Variants in STARD9 observed in about 807,000 individuals in gnomAD.
STARD9 encodes the protein StAR related lipid transfer domain containing 9.
In STARD9, 346 loss-of-function variants were observed where a neutral mutation model predicts 399.8. The ratio of observed to expected loss-of-function variants is 0.87; its 90% CI spans 0.79 to 0.95. STARD9 has a LOEUF of 0.95. Among genes scored for constraint, STARD9 ranks in the 40% least tolerant of loss-of-function variants. The probability of loss-of-function intolerance (pLI) is 0.00; values close to 1 mark genes in which losing one functional copy is unlikely to be tolerated. For missense variants in STARD9, 5,832 were observed against 5,667.5 expected (o/e 1.03, Z -0.93); for synonymous variants, 2,203 against 2,143.5 (o/e 1.03, Z -0.77).
At chr15:42,697,057 A>G (rs2060861652) in intron 26 of STARD9, among the ~76,000 whole-genome samples, 1 of 152,198 alleles carries the variant, frequency 6.6e-6, no homozygotes, top group Admixed American at 6.5e-5. Context: ...AAGACATACA[A>G]TGTCAGGCAC....
chr15:42,585,743 A>G, intron 3 of STARD9, 106 bp downstream of exon 3: 1 of 661,796 alleles, frequency 1.5e-6, no homozygotes, highest in Non-Finnish European at 2.5e-6. Flanking sequence ...GCACAGTTGT[A>G]CAGATTGGAA....
intron 3 of STARD9, among the ~76,000 whole-genome samples, chr15:42,624,656 C>G (rs971118547): frequency 5.9e-5 from 9 of 151,840 alleles, no homozygotes; most frequent in Non-Finnish European, 8.8e-5. Context: ...TCAAGTGATT[C>G]TTCTGCCCAA....
At chr15:42,636,869 C>G (rs2059427863) in intron 4 of STARD9, among the ~76,000 whole-genome samples, 1 of 151,974 alleles carries the variant, frequency 6.6e-6, no homozygotes, top group South Asian at 2.1e-4. Flanking sequence ...AGTTCAAGAC[C>G]AGCCTGGCCA....
In STARD9 at chr15:42,718,871, G is replaced by C; in HGVS notation, c.13962G>C (p.Val4654=). 1 of 1,537,226 alleles carries C rather than the reference G, an allele frequency of 6.5e-7. No homozygotes were observed. The highest frequency in any genetic ancestry group is 2.0e-5 in the Admixed American group (1 of 50,996). The change falls in exon 32 of 33, where the codon GTG becomes GTC. Residue 4654 remains valine, a synonymous_variant. Transcript: ENST00000290607. The part of the protein sequence containing the change: ...PSAWILQPIT[V]EGKEVTRVIY... Reference sequence around the variant, plus strand: ...CCTGGATCTTGCAGCCCATCACTGTGGAAGGGAAGGAAGTCACCAGAGTCA... The same window carrying C: ...CCTGGATCTTGCAGCCCATCACTGTCGAAGGGAAGGAAGTCACCAGAGTCA...
Position 42,689,821 on chromosome 15 carries a change from C to G in STARD9, c.8243C>G (p.Ala2748Gly). ...KKVVAALPSQ[A>G]PYDDPRVTLH... is the part of the protein sequence containing the mutation. ...GTAGTGGCTGCCTTACCTTCTCAGGCCCCTTATGATGATCCTAGAGTGACT... is the reference window on the plus strand; with the variant it reads ...GTAGTGGCTGCCTTACCTTCTCAGGGCCCTTATGATGATCCTAGAGTGACT... Residue 2748 changes from alanine (A) to glycine (G), a missense_variant, in exon 23 of 33, where the codon GCC (alanine) becomes GGC (glycine). By Grantham distance (60) the Ala-to-Gly change is moderately conservative. Transcript: ENST00000290607. 1 of 1,537,274 alleles carries G rather than the reference C, an allele frequency of 6.5e-7. No homozygotes were observed. Among genetic ancestry groups the G allele is most frequent in the South Asian group, 1.2e-5 (1 of 84,062 alleles).
intron 7 of STARD9, among the ~76,000 whole-genome samples, chr15:42,643,884 T>C (rs1460001158): frequency 6.6e-6 from 1 of 152,242 alleles, no homozygotes; most frequent in Non-Finnish European, 1.5e-5. Context: ...TCCAATATGA[T>C]TTCTTTTGAC....
intron 26 of STARD9, among the ~76,000 whole-genome samples, chr15:42,701,235 T>C (rs570827786): frequency 9.7e-4 from 147 of 152,284 alleles, no homozygotes; most frequent in African/African-American, 3.5e-3. Flanking sequence ...CTGTTTGGGG[T>C]CTTTTGTGGG....
intron 4 of STARD9, 101 bp downstream of exon 4, chr15:42,635,073 A>G (rs2059394270): frequency 5.1e-6 from 3 of 583,742 alleles, no homozygotes; most frequent in Admixed American, 3.6e-5. Flanking sequence ...TAGGCAGTCA[A>G]CTTTAAAGAA....
chr15:42,696,466 G>A (rs1162377371), intron 26 of STARD9, among the ~76,000 whole-genome samples: 1 of 152,116 alleles, frequency 6.6e-6, no homozygotes, highest in East Asian at 1.9e-4. Context: ...GACATGAGAA[G>A]GGACTAGAAA....
chr15:42,592,256 C>G (rs2058412768), intron 3 of STARD9, among the ~76,000 whole-genome samples: 1 of 151,980 alleles, frequency 6.6e-6, no homozygotes, highest in South Asian at 2.1e-4. Context: ...CTGCAAAGTT[C>G]ATATTCAACA....
chr15:42,684,121 T>C lies in STARD9; in HGVS notation c.2543T>C (p.Phe848Ser). ...SKHMPQLHSIFLSWDPSTTLP... is the reference protein window; with the variant it reads ...SKHMPQLHSISLSWDPSTTLP... Reference sequence around the variant, plus strand: ...AGCTTTCCTTGTCTTCACAGCATTTTCCTAAGTTGGGATCCCTCTACCACA... The same window carrying C: ...AGCTTTCCTTGTCTTCACAGCATTTCCCTAAGTTGGGATCCCTCTACCACA... The change falls in exon 23 of 33, where the codon TTC (phenylalanine) becomes TCC (serine). Residue 848 changes from phenylalanine (F) to serine (S), a missense_variant. Phe to Ser is a radical substitution (Grantham distance 155). This residue lies in a region of STARD9 where 5,828 missense variants were observed against 5,651.1 expected (regional missense o/e 1.03). Transcript: ENST00000290607. The C allele has an allele frequency of 6.6e-7, 1 of 1,523,756 alleles. No individual in the cohort carries two copies. The highest frequency in any genetic ancestry group is 2.5e-5 in the East Asian group (1 of 40,610). 94.4% of individuals were successfully genotyped at this position (1,523,756 alleles called of 1,614,324 possible).
intron 13 of STARD9, 33 bp from the exon 14 acceptor site, chr15:42,665,220 C>A (rs1595732445): frequency 3.3e-6 from 5 of 1,503,158 alleles, no homozygotes; most frequent in Non-Finnish European, 4.5e-6. Context: ...GACTTGATAA[C>A]AATCAGTGGT....
intron 26 of STARD9, among the ~76,000 whole-genome samples, chr15:42,709,696 C>T (rs1424006148): frequency 6.6e-6 from 1 of 151,936 alleles, no homozygotes; most frequent in African/African-American, 2.4e-5. Context: ...CACAGCAGCC[C>T]CCCAAAAAAA....
chr15:42,716,872 G>A (rs983402475), intron 27 of STARD9, 55 bp from the exon 28 acceptor site: 20 of 1,534,840 alleles, frequency 1.3e-5, no homozygotes, highest in Non-Finnish European at 1.6e-5. Flanking sequence ...AGCTGTTGCT[G>A]TCCTGAGGCC....
At chr15:42,590,105 T>A (rs2058365361) in intron 3 of STARD9, among the ~76,000 whole-genome samples, 1 of 151,804 alleles carries the variant, frequency 6.6e-6, no homozygotes. Context: ...GGACTACAGA[T>A]ACGTGTGCCA....
chr15:42,716,943 G>A lies in STARD9; in HGVS notation c.13389G>A (p.Leu4463=), dbSNP rs1218829443. The A allele has an allele frequency of 2.0e-6, 3 of 1,537,074 alleles. No homozygotes were observed. The African/African-American group carries it at 4.1e-5, about 21-fold the overall frequency. ...TTCTTGTAGGCCACAGAGCCTCCCT[G>A]GGCAGTTGCTGCTGTTCACCATCCA... The part of the protein sequence containing the change: ...KNSAYSHRAS[L]GSCCCSPSSL... The change falls in exon 28 of 33, where the codon CTG becomes CTA. Residue 4463 remains leucine (L), a synonymous_variant. Transcript: ENST00000290607.
Position 42,693,262 on chromosome 15 carries a change from A to G in STARD9, c.11684A>G (p.Asp3895Gly), listed in dbSNP as rs1415450549. Residue 3895 changes from aspartate to glycine, a missense_variant, in exon 23 of 33, where the codon GAC becomes GGC. Around this residue, in one of 2 missense-constraint regions of STARD9, gnomAD observed 5,828 missense variants for 5,651.1 expected, o/e 1.03. Coordinates refer to ENST00000290607, the MANE Select transcript of STARD9 (RefSeq NM_020759.3). ...KLGPTSALFV[D>G]RASSPILTLS... is the part of the protein sequence containing the mutation. ...GGCCCCACAAGTGCTTTGTTCGTGG[A>G]CAGGGCCTCCTCCCCAATCCTCACT... The G allele has an allele frequency of 5.9e-6, 9 of 1,536,968 alleles. No individual in the cohort carries two copies. Among genetic ancestry groups the G allele is most frequent in the Non-Finnish European group, 7.8e-6 (9 of 1,146,896 alleles).
chr15:42,601,478 CGGCCGGGCGGG>C (rs944593882), intron 3 of STARD9, among the ~76,000 whole-genome samples: 3 of 149,746 alleles, frequency 2.0e-5, no homozygotes, highest in African/African-American at 7.4e-5. Flanking sequence ...GACGGGGCGG[CGGCCGGGCGGG>C]GGCTGCCCCC....
At chr15:42,627,122 T>A in intron 3 of STARD9, among the ~76,000 whole-genome samples, 1 of 152,026 alleles carries the variant, frequency 6.6e-6, no homozygotes, top group Non-Finnish European at 1.5e-5. Flanking sequence ...ATGGCAAAAC[T>A]CCATCTCTAC....
Sources: gnomAD v4.1 joint callset for allele counts (sites outside exome capture counted in the v4.1 genomes callset) on GRCh38, gnomAD v4.1.1 for gene constraint, gnomAD v4.1.1 regional missense constraint, MANE v1.5 for transcripts, NCBI Gene and HGNC (gene_info 2026-07-23, HGNC 2026-07-21) for gene names.